The following CLMN variants were observed in gnomAD, a reference collection of about 807,000 sequenced individuals.
CLMN encodes calmin (calponin-like, transmembrane).
A neutral mutation model predicts 92.7 loss-of-function variants in CLMN; 57 were observed. The observed-to-expected ratio is 0.61, with a 90% CI of 0.50 to 0.77. The LOEUF (loss-of-function observed/expected upper bound fraction) is 0.77, where lower values mean the gene tolerates loss of function less well. Ranked by LOEUF, CLMN falls within the 30% of genes least tolerant of loss-of-function variation. CLMN has a pLI of 0.00. For missense variants in CLMN, 1,158 were observed against 1,237.5 expected, an observed-to-expected ratio of 0.94 and a Z score of 0.96; for synonymous variants, 466 against 470.6, an observed-to-expected ratio of 0.99 and a Z score of 0.13.
At chr14:95,273,052 G>A (rs1167866727) in intron 1 of CLMN, among the ~76,000 whole-genome samples, 1 of 152,100 alleles carries the variant, frequency 6.6e-6, no homozygotes, top group Non-Finnish European at 1.5e-5. Context: ...AAATGCATAT[G>A]CATGCCTACA....
chr14:95,272,919 G>A (rs1899771581), intron 1 of CLMN, among the ~76,000 whole-genome samples: 1 of 152,226 alleles, frequency 6.6e-6, no homozygotes, highest in Admixed American at 6.5e-5. Context: ...TGTAATAAAA[G>A]GGAATGCAGT....
rs759992468 is a variant in CLMN at position 95,230,024 on chromosome 14, A to C, written c.144+48T>G. 1.2e-5 allele frequency: 18 copies of C among 1,556,318 alleles called. No individual in the cohort carries two copies. In the South Asian group the frequency reaches 2.0e-4, roughly 17 times the overall value. On this transcript the variant is annotated intron_variant, in intron 2 of 12. Coordinates refer to ENST00000298912, the MANE Select transcript of CLMN (RefSeq NM_024734.4). ...CTCCACTCTCTGGAACTGTAAATTC[A>C]GTTACAGATGAATCTATCACTTAGC...
At chr14:95,286,729 G>A (rs1046675359) in intron 1 of CLMN, among the ~76,000 whole-genome samples, 1 of 152,332 alleles carries the variant, frequency 6.6e-6, no homozygotes, top group Admixed American at 6.5e-5. Context: ...TAAAGACCAA[G>A]AGTCTGCAGG....
intron 2 of CLMN, among the ~76,000 whole-genome samples, chr14:95,228,469 G>A (rs529584543): frequency 5.3e-5 from 8 of 152,204 alleles, no homozygotes; most frequent in Admixed American, 6.5e-5. Context: ...TGTTCTACAC[G>A]TCAGGAGTGG....
In CLMN at chr14:95,184,965, G is replaced by C. The variant is rs960325857; in HGVS notation, c.*6599C>G. 1 of 152,266 alleles carries C rather than the reference G, an allele frequency of 6.6e-6. No homozygotes were observed. The highest frequency in any genetic ancestry group is 1.5e-5 in the Non-Finnish European group (1 of 68,120). The allele number at this position is 152,266 out of a possible 1,614,324, so 9.4% of individuals were successfully genotyped here. On this transcript the variant is annotated 3_prime_UTR_variant, in exon 13 of 13. Transcript: ENST00000298912. Reference sequence around the variant, plus strand: ...TATAAAAGATAAAAAAATTAGGTGGGCGTGGTGGCATGCACCTGTACTACC... The same window carrying C: ...TATAAAAGATAAAAAAATTAGGTGGCCGTGGTGGCATGCACCTGTACTACC...
chr14:95,211,661 A>C lies in CLMN; in HGVS notation c.609-782T>G, dbSNP rs1233594078. On this transcript the variant is annotated intron_variant, in intron 6 of 12. Coordinates refer to ENST00000298912, the MANE Select transcript of CLMN (RefSeq NM_024734.4). ...CAATAAACGCTCTTAAAAAAAAAAA[A>C]AAAAACCAAAAACAACCAAGTACCT... is the stretch of plus-strand genomic sequence containing the variant. Among the ~76,000 whole-genome samples, 9 of 149,856 alleles carry C rather than the reference A, an allele frequency of 6.0e-5. No individual in the cohort carries two copies. In the East Asian group the frequency reaches 1.3e-3, roughly 22 times the overall value.
At chr14:95,283,846 T>C (rs1900235076) in intron 1 of CLMN, among the ~76,000 whole-genome samples, 1 of 152,198 alleles carries the variant, frequency 6.6e-6, no homozygotes, top group Non-Finnish European at 1.5e-5. Flanking sequence ...AGTCTGACTA[T>C]GCGATAGAAA....
Position 95,319,832 on chromosome 14 carries a change from C to T in CLMN, c.-40G>A. The T allele has an allele frequency of 3.2e-6, 4 of 1,244,526 alleles. No homozygotes were observed. Among genetic ancestry groups the T allele is most frequent in the Non-Finnish European group, 4.1e-6 (4 of 982,298 alleles). The allele number at this position is 1,244,526 out of a possible 1,614,324, so 77.1% of individuals were successfully genotyped here. On this transcript the variant is annotated 5_prime_UTR_variant, in exon 1 of 13. Coordinates refer to ENST00000298912, the MANE Select transcript of CLMN (RefSeq NM_024734.4). Reference sequence around the variant, plus strand: ...AGAGCCCGGGCCAGCGCGGCGCGGGCGGCGGGCGCGGAGAGCCTGGCTGGC... The same window carrying T: ...AGAGCCCGGGCCAGCGCGGCGCGGGTGGCGGGCGCGGAGAGCCTGGCTGGC...
Position 95,182,410 on chromosome 14 carries a change from T to A in CLMN, c.*9154A>T, listed in dbSNP as rs982669070. On this transcript the variant is annotated 3_prime_UTR_variant, in exon 13 of 13. Transcript: ENST00000298912. ...CTGAACAATCTCCTGTCTCCAAGTT[T>A]AGTTAAGTCTGTCCTGAGGATGTAC... The A allele has an allele frequency of 2.0e-5, 3 of 152,220 alleles. No homozygotes were observed. The highest frequency in any genetic ancestry group is 4.4e-5 in the Non-Finnish European group (3 of 68,050). 9.4% of individuals were successfully genotyped at this position (152,220 alleles called of 1,614,324 possible). A position where few individuals can be genotyped will look rare whatever the true frequency, so the allele number is the denominator to read the frequency against.
At chr14:95,304,229 G>A (rs1198361390) in intron 1 of CLMN, among the ~76,000 whole-genome samples, 1 of 152,120 alleles carries the variant, frequency 6.6e-6, no homozygotes, top group Non-Finnish European at 1.5e-5. Context: ...CCAGCTACTT[G>A]GGAGACTGAG....
intron 10 of CLMN, 78 bp downstream of exon 10, chr14:95,196,420 C>A: frequency 2.2e-6 from 3 of 1,386,322 alleles, no homozygotes; most frequent in Non-Finnish European, 2.0e-6. Flanking sequence ...CACCTCCCAC[C>A]CCATCAAATC....
intron 1 of CLMN, among the ~76,000 whole-genome samples, chr14:95,316,522 C>T (rs974524687): frequency 6.6e-6 from 1 of 152,240 alleles, no homozygotes; most frequent in African/African-American, 2.4e-5. Context: ...CCCGGACCTC[C>T]AAAGACAGGT....
Position 95,213,341 on chromosome 14 carries a change from G to A in CLMN, c.486C>T (p.Gly162=), listed in dbSNP as rs1383122069. The A allele has an allele frequency of 1.9e-6, 3 of 1,613,280 alleles. No individual in the cohort carries two copies. Among genetic ancestry groups the A allele is most frequent in the Non-Finnish European group, 1.7e-6 (2 of 1,179,712 alleles). ...PSSSLSPGSG[G]TDSDSSFPPT... ...GTGGGAAGGATGAGTCTGAGTCTGTGCCCCCTGAGCCAGGGGACAAGCTGG... is the reference window on the plus strand; with the variant it reads ...GTGGGAAGGATGAGTCTGAGTCTGTACCCCCTGAGCCAGGGGACAAGCTGG... The change falls in exon 6 of 13, where the codon GGC becomes GGT. Residue 162 remains glycine, a synonymous_variant. Coordinates refer to ENST00000298912, the MANE Select transcript of CLMN (RefSeq NM_024734.4).
intron 1 of CLMN, among the ~76,000 whole-genome samples, chr14:95,247,993 T>C (rs531245674): frequency 3.3e-5 from 5 of 152,190 alleles, no homozygotes; most frequent in African/African-American, 1.2e-4. Flanking sequence ...AACCCTTGGG[T>C]TTATGCAACT....
chr14:95,240,141 A>G (rs1898194655), intron 1 of CLMN, among the ~76,000 whole-genome samples: 1 of 152,242 alleles, frequency 6.6e-6, no homozygotes, highest in African/African-American at 2.4e-5. Context: ...ATGTTTGTAC[A>G]ACAAAATCGC....
At chr14:95,261,669 C>T (rs1899260943) in intron 1 of CLMN, among the ~76,000 whole-genome samples, 1 of 152,228 alleles carries the variant, frequency 6.6e-6, no homozygotes, top group African/African-American at 2.4e-5. Flanking sequence ...TGTGCCTCTG[C>T]ATTGCGACCT....
chr14:95,315,555 T>C (rs906510514), intron 1 of CLMN, among the ~76,000 whole-genome samples: 1 of 152,248 alleles, frequency 6.6e-6, no homozygotes. Context: ...GTGGGCCACA[T>C]GGGCCGGGGC....
chr14:95,208,865 G>A (rs538025179), intron 8 of CLMN, among the ~76,000 whole-genome samples: 79 of 152,278 alleles, frequency 5.2e-4, no homozygotes, highest in African/African-American at 1.9e-3. Flanking sequence ...GACGTGACTC[G>A]TTCCTTTGTC....
intron 1 of CLMN, among the ~76,000 whole-genome samples, chr14:95,319,418 C>A (rs115541310): frequency 3.8e-3 from 578 of 152,282 alleles, no homozygotes; most frequent in African/African-American, 0.013. Flanking sequence ...TCCAAACTCG[C>A]AGCGGTGACT....
Sources: allele counts gnomAD v4.1 joint callset (sites outside exome capture counted in the v4.1 genomes callset), GRCh38; gene constraint gnomAD v4.1.1; transcripts MANE v1.5; gene names NCBI Gene and HGNC (gene_info 2026-07-23, HGNC 2026-07-21).